The following PRR14L variants were observed in gnomAD, a reference collection of about 807,000 sequenced individuals.
PRR14L encodes the protein proline rich 14 like.
Under a neutral mutation model 155.0 loss-of-function variants are expected in PRR14L, and 80 were observed. That is an observed-to-expected ratio of 0.52 (90% CI 0.43 to 0.62). The LOEUF (loss-of-function observed/expected upper bound fraction) is 0.62, where lower values mean the gene tolerates loss of function less well. Ranked by LOEUF, PRR14L falls within the 20% of genes least tolerant of loss-of-function variation. The pLI, the probability that PRR14L is intolerant of heterozygous loss-of-function variation, is 0.00. For synonymous variants in PRR14L, 883 were observed against 916.0 expected, an observed-to-expected ratio of 0.96 and a Z score of 0.65; for missense variants, 2,469 against 2,548.0, an observed-to-expected ratio of 0.97 and a Z score of 0.67.
chr22:31,713,403 T>C lies in PRR14L; in HGVS notation c.4436A>G (p.Asp1479Gly). ...EERLHHPLRK[D>G]TESCTSPCLL... ...GCAAGGACTTGTGCATGACTCAGTGTCCTTCCTTAATGGATGATGTAACCT... is the reference window on the plus strand; with the variant it reads ...GCAAGGACTTGTGCATGACTCAGTGCCCTTCCTTAATGGATGATGTAACCT... Residue 1479 changes from aspartate (D) to glycine (G), a missense_variant, in exon 4 of 9, where the codon GAC becomes GGC. Asp to Gly is a moderately conservative substitution (Grantham distance 94, BLOSUM62 -1). Transcript: ENST00000327423. 1 of 1,551,976 alleles carries C rather than the reference T, an allele frequency of 6.4e-7. No individual in the cohort carries two copies. Among genetic ancestry groups the C allele is most frequent in the Non-Finnish European group, 8.7e-7 (1 of 1,147,068 alleles).
rs973688208 is a variant in PRR14L at position 31,682,721 on chromosome 22, A to C, written c.*2806T>G. 2 of 152,174 alleles carry C rather than the reference A, an allele frequency of 1.3e-5. No individual in the cohort carries two copies. The highest frequency in any genetic ancestry group is 2.9e-5 in the Non-Finnish European group (2 of 68,036). The allele number at this position is 152,174 out of a possible 1,614,324, so 9.4% of individuals were successfully genotyped here. On this transcript the variant is annotated 3_prime_UTR_variant, in exon 9 of 9. Transcript: ENST00000327423. ...ACTAAACCTCTGGAAGTGATAGTTG[A>C]GTAAGCTGTAGTTAACTGTAACTTC...
rs968643300 is a variant in PRR14L, at chr22:31,713,215, C to T, written c.4624G>A (p.Gly1542Ser). The T allele has an allele frequency of 6.4e-7, 1 of 1,551,812 alleles. No homozygotes were observed. The highest frequency in any genetic ancestry group is 2.4e-5 in the East Asian group (1 of 40,922). The stretch of plus-strand genomic sequence containing the variant: ...AAAAAGGCAGAACTTCTGATTTTAC[C>T]TATTTTTCTCCCAACAATGATTTGC... ...QEQIIVGRKI[G>S]KIRSSAFLKS... Residue 1542 changes from glycine to serine, a missense_variant, in exon 4 of 9, where the codon GGT becomes AGT. Physicochemically the swap from Gly to Ser is moderately conservative, Grantham distance 56. Coordinates refer to ENST00000327423, the MANE Select transcript of PRR14L (RefSeq NM_173566.3).
At chr22:31,724,500 C>T (rs2147869315) in intron 3 of PRR14L, among the ~76,000 whole-genome samples, 1 of 152,272 alleles carries the variant, frequency 6.6e-6, no homozygotes, top group South Asian at 2.1e-4. Context: ...TCCCAGGGCT[C>T]AAGTATCCTT....
intron 3 of PRR14L, among the ~76,000 whole-genome samples, chr22:31,722,702 T>C (rs1296210033): frequency 6.6e-6 from 1 of 151,924 alleles, no homozygotes; most frequent in East Asian, 2.0e-4. Context: ...TTGTTTTTTT[T>C]CTTGTATTTT....
At chr22:31,736,975 T>G (rs552459668) in intron 2 of PRR14L, among the ~76,000 whole-genome samples, 20 of 132,020 alleles carry the variant, frequency 1.5e-4, no homozygotes, top group African/African-American at 5.2e-4. Flanking sequence ...GAGGCGAAGG[T>G]TGCAGTGAGG....
At chr22:31,695,804 G>C (rs1285317072) in intron 7 of PRR14L, among the ~76,000 whole-genome samples, 1 of 152,048 alleles carries the variant, frequency 6.6e-6, no homozygotes, top group Non-Finnish European at 1.5e-5. Context: ...CTTGAGGGAG[G>C]TGGTGTCCCT....
intron 4 of PRR14L, among the ~76,000 whole-genome samples, chr22:31,711,150 T>G (rs2074618736): frequency 6.6e-6 from 1 of 152,272 alleles, no homozygotes; most frequent in South Asian, 2.1e-4. Context: ...TAATGGGTGT[T>G]TGTTTTCTGC....
At chr22:31,727,270 G>A (rs972796144) in intron 2 of PRR14L, among the ~76,000 whole-genome samples, 1 of 141,662 alleles carries the variant, frequency 7.1e-6, no homozygotes, top group African/African-American at 2.7e-5. Flanking sequence ...GTCTCACTCT[G>A]TTGCCCAGGC....
chr22:31,735,578 T>C (rs2074775566), intron 2 of PRR14L, among the ~76,000 whole-genome samples: 1 of 151,630 alleles, frequency 6.6e-6, no homozygotes, highest in Non-Finnish European at 1.5e-5. Flanking sequence ...GTATTACGCA[T>C]GCTTTTATAT....
Position 31,694,803 on chromosome 22 carries a change from T to C in PRR14L, c.6108-6576A>G, listed in dbSNP as rs193163101. ...AAAAAAAAGAAAAAGAATACAAAAT[T>C]AGGCCAGGTGCGGTGGCTCACGCCT... is the stretch of plus-strand genomic sequence containing the variant. On this transcript the variant is annotated intron_variant, in intron 7 of 8. Transcript: ENST00000327423. 6.5e-3 allele frequency among the ~76,000 whole-genome samples: 946 copies of C among 146,486 alleles called. 5 individuals carry two copies. Among genetic ancestry groups the C allele is most frequent in the Middle Eastern group, 0.021 (5 of 234 alleles).
In PRR14L at chr22:31,713,875, G is replaced by A. The variant is rs556858583; in HGVS notation, c.3964C>T (p.His1322Tyr). 6.4e-7 allele frequency: 1 copy of A among 1,552,122 alleles called. No individual in the cohort carries two copies. The highest frequency in any genetic ancestry group is 1.2e-5 in the South Asian group (1 of 84,056). ...CHPHENSSDR[H>Y]LPLTVKTDIK... ...TCTGTTTTCACTGTCAAAGGCAAAT[G>A]TCTGTCAGAGGAATTCTCGTGAGGG... Residue 1322 changes from histidine (H) to tyrosine (Y), a missense_variant, in exon 4 of 9, where the codon CAT becomes TAT. His to Tyr is a moderately conservative substitution (Grantham distance 83, BLOSUM62 2). Coordinates refer to ENST00000327423, the MANE Select transcript of PRR14L (RefSeq NM_173566.3).
chr22:31,737,653 T>C (rs2074789585), intron 2 of PRR14L, among the ~76,000 whole-genome samples: 1 of 151,714 alleles, frequency 6.6e-6, no homozygotes, highest in East Asian at 1.9e-4. Flanking sequence ...AAAAAAGAAT[T>C]TGAGACCATC....
Position 31,714,522 on chromosome 22 carries a change from G to C in PRR14L, c.3317C>G (p.Thr1106Arg), listed in dbSNP as rs755110931. ...ATCTGAATCCTGACCAGTTGTTCCTGTATGTGCAGCATCCAGTTCTCTCCG... is the reference window on the plus strand; with the variant it reads ...ATCTGAATCCTGACCAGTTGTTCCTCTATGTGCAGCATCCAGTTCTCTCCG... ...LSRRELDAAHTGTTGQDSDFP... is the reference protein window; with the variant it reads ...LSRRELDAAHRGTTGQDSDFP... Residue 1106 changes from threonine to arginine, a missense_variant, in exon 4 of 9, where the codon ACA becomes AGA. Physicochemically the swap from Thr to Arg is moderately conservative, Grantham distance 71. This residue lies in a region of PRR14L where 2,363 missense variants were observed against 2,371.6 expected (regional missense o/e 1.00). Transcript: ENST00000327423. 1.3e-5 allele frequency: 20 copies of C among 1,552,024 alleles called. No homozygotes were observed. In the African/African-American group the frequency reaches 2.1e-4, roughly 16 times the overall value.
At chr22:31,730,419 G>T (rs1268285928) in intron 2 of PRR14L, among the ~76,000 whole-genome samples, 1 of 152,214 alleles carries the variant, frequency 6.6e-6, no homozygotes, top group Non-Finnish European at 1.5e-5. Context: ...ACTGCAGCCT[G>T]GGCTACAGAG....
intron 2 of PRR14L, among the ~76,000 whole-genome samples, chr22:31,726,394 G>A (rs1191615362): frequency 6.6e-6 from 1 of 152,038 alleles, no homozygotes; most frequent in Non-Finnish European, 1.5e-5. Context: ...GCCTCCCAAA[G>A]TACTGGGACT....
At chr22:31,689,773 T>A (rs2074501290) in intron 7 of PRR14L, among the ~76,000 whole-genome samples, 1 of 151,834 alleles carries the variant, frequency 6.6e-6, no homozygotes, top group Non-Finnish European at 1.5e-5. Context: ...TGAGACAGAG[T>A]TTCGCTCTTT....
At chr22:31,749,892 G>C (rs1402003475) in intron 1 of PRR14L, 101 bp downstream of exon 1, 1 of 152,626 alleles carries the variant, frequency 6.6e-6, no homozygotes, top group Non-Finnish European at 1.5e-5. Flanking sequence ...AGGGCGGGGG[G>C]CCTGGACTCC....
At chr22:31,724,561 C>T (rs1473206737) in intron 3 of PRR14L, among the ~76,000 whole-genome samples, 1 of 152,014 alleles carries the variant, frequency 6.6e-6, no homozygotes, top group Non-Finnish European at 1.5e-5. Flanking sequence ...TGCTGCCATG[C>T]TAATTTTTGC....
intron 5 of PRR14L, 90 bp from the exon 6 acceptor site, chr22:31,703,811 T>C: frequency 1.1e-6 from 1 of 903,924 alleles, no homozygotes; most frequent in Non-Finnish European, 1.6e-6. Flanking sequence ...TTTTTTTTTT[T>C]TTTGAGAAGG....
Sources: allele counts gnomAD v4.1 joint callset (sites outside exome capture counted in the v4.1 genomes callset), GRCh38; gene constraint gnomAD v4.1.1; regional missense constraint gnomAD v4.1.1; transcripts MANE v1.5; gene names NCBI Gene and HGNC (gene_info 2026-07-23, HGNC 2026-07-21).